Variants in PXDNL observed in about 807,000 individuals in gnomAD.
The protein encoded by PXDNL is probable oxidoreductase PXDNL.
A neutral mutation model predicts 150.8 loss-of-function variants in PXDNL; 145 were observed. The observed-to-expected ratio is 0.96, with a 90% CI of 0.84 to 1.10. The LOEUF is 1.10. Among genes scored for constraint, PXDNL ranks in the 50% least tolerant of loss-of-function variants. The pLI is 0.00. For missense variants in PXDNL, 2,087 were observed against 1,873.9 expected (o/e 1.11, Z -2.10); for synonymous variants, 757 against 725.7 (o/e 1.04, Z -0.69).
At chr8:51,436,346 T>G in intron 12 of PXDNL, 1 of 446,450 alleles carries the variant, frequency 2.2e-6, no homozygotes, top group Non-Finnish European at 4.6e-6. Context: ...CAGGGAAGTT[T>G]TGGAGGACCA....
intron 2 of PXDNL, among the ~76,000 whole-genome samples, chr8:51,609,750 T>C (rs1324296736): frequency 2.0e-5 from 3 of 152,238 alleles, no homozygotes; most frequent in Admixed American, 2.0e-4. Flanking sequence ...GAAATTATTC[T>C]GGAGGGCTGC....
intron 11 of PXDNL, among the ~76,000 whole-genome samples, chr8:51,448,285 G>A (rs1296674139): frequency 6.6e-6 from 1 of 152,132 alleles, no homozygotes; most frequent in Non-Finnish European, 1.5e-5. Flanking sequence ...CCAGGCCCAC[G>A]CCCCACCACC....
At chr8:51,617,991 T>C (rs1814164894) in intron 2 of PXDNL, among the ~76,000 whole-genome samples, 1 of 152,222 alleles carries the variant, frequency 6.6e-6, no homozygotes, top group Non-Finnish European at 1.5e-5. Flanking sequence ...TCCAAGTGGT[T>C]ATAAAATGCC....
At chr8:51,764,052 C>T (rs959169629) in intron 1 of PXDNL, among the ~76,000 whole-genome samples, 3 of 152,078 alleles carry the variant, frequency 2.0e-5, no homozygotes, top group African/African-American at 7.2e-5. Context: ...TAGTTTGTGC[C>T]TTTCTAGGAA....
In PXDNL at chr8:51,465,489, C is replaced by G. The variant is rs116397910; in HGVS notation, c.812+6698G>C. Among the ~76,000 whole-genome samples, 547 of 152,170 alleles carry G rather than the reference C, an allele frequency of 3.6e-3. 2 individuals are homozygous for G. Among genetic ancestry groups the G allele is most frequent in the African/African-American group, 0.013 (523 of 41,530 alleles). On this transcript the variant is annotated intron_variant, in intron 8 of 22. Coordinates refer to ENST00000356297, the MANE Select transcript of PXDNL (RefSeq NM_144651.5). ...AGCTGGAAGCATTCCCCTTGAGAAC[C>G]AAAACAAGACAAGAATGTCCACTTT...
chr8:51,644,572 G>A (rs1179893788), intron 2 of PXDNL, among the ~76,000 whole-genome samples: 2 of 150,664 alleles, frequency 1.3e-5, no homozygotes, highest in East Asian at 4.0e-4. Flanking sequence ...CCATTCTCCT[G>A]CCTCAGCCTC....
rs368336048 is a variant in PXDNL at position 51,409,067 on chromosome 8, G to C, written c.2557C>G (p.Arg853Gly). The change falls in exon 17 of 23, where the codon CGG becomes GGG. Residue 853 changes from arginine to glycine, a missense_variant. By Grantham distance (125) the Arg-to-Gly change is moderately radical. Coordinates refer to ENST00000356297, the MANE Select transcript of PXDNL (RefSeq NM_144651.5). Reference protein sequence around the residue: ...FPMNTRHADPRGTHAPCMLFA... With the variant: ...FPMNTRHADPGGTHAPCMLFA... The stretch of plus-strand genomic sequence containing the variant: ...AGCATGCAGGGCGCGTGGGTGCCCC[G>C]GGGGTCGGCGTGCCGGGTGTTCATG... 1 of 1,609,556 alleles carries C rather than the reference G, an allele frequency of 6.2e-7. No homozygotes were observed. The highest frequency in any genetic ancestry group is 1.7e-5 in the Admixed American group (1 of 59,952).
At chr8:51,336,627 A>G (rs1805837107) in intron 21 of PXDNL, among the ~76,000 whole-genome samples, 1 of 152,206 alleles carries the variant, frequency 6.6e-6, no homozygotes, top group Non-Finnish European at 1.5e-5. Flanking sequence ...TCTGCAGTTT[A>G]TCATTGCTAT....
intron 19 of PXDNL, among the ~76,000 whole-genome samples, chr8:51,356,497 T>TA (rs11412665): frequency 0.73 from 97,916 of 134,646 alleles, 34,224 homozygotes; most frequent in East Asian, 0.93. Flanking sequence ...AAAAAAAGAA[T>TA]AAAAAAAAAA....
intron 1 of PXDNL, among the ~76,000 whole-genome samples, chr8:51,784,512 TA>T (rs2037442964): frequency 6.6e-6 from 1 of 152,232 alleles, no homozygotes; most frequent in Non-Finnish European, 1.5e-5. Flanking sequence ...AGACAGTTCA[TA>T]AACATTAAAT....
intron 8 of PXDNL, among the ~76,000 whole-genome samples, chr8:51,465,854 T>A (rs1404676135): frequency 6.6e-6 from 1 of 152,016 alleles, no homozygotes; most frequent in Non-Finnish European, 1.5e-5. Flanking sequence ...AGTGAAATAT[T>A]GCTGCAAGGA....
At chr8:51,803,584 G>A (rs935982034) in intron 1 of PXDNL, among the ~76,000 whole-genome samples, 8 of 152,140 alleles carry the variant, frequency 5.3e-5, no homozygotes, top group African/African-American at 1.9e-4. Context: ...TTCGGTAGAT[G>A]TGTTCCTCTG....
chr8:51,665,629 C>A (rs187363967), intron 1 of PXDNL, among the ~76,000 whole-genome samples: 1 of 152,260 alleles, frequency 6.6e-6, no homozygotes, highest in African/African-American at 2.4e-5. Flanking sequence ...AATAATATTG[C>A]TAGTGAATGA....
intron 17 of PXDNL, among the ~76,000 whole-genome samples, chr8:51,378,555 C>T (rs1341683737): frequency 3.9e-5 from 6 of 152,228 alleles, no homozygotes; most frequent in East Asian, 1.9e-4. Context: ...CAGTGGCAAT[C>T]CTCTGGGGTA....
chr8:51,337,767 T>C (rs1805871688), intron 21 of PXDNL, among the ~76,000 whole-genome samples: 2 of 150,782 alleles, frequency 1.3e-5, no homozygotes, highest in South Asian at 4.2e-4. Flanking sequence ...GTCCCCCAGC[T>C]ACACGGGAGG....
At chr8:51,712,684 A>G (rs1027500969) in intron 1 of PXDNL, among the ~76,000 whole-genome samples, 4 of 152,178 alleles carry the variant, frequency 2.6e-5, no homozygotes, top group African/African-American at 4.8e-5. Context: ...ATAGTATAAG[A>G]AAAAAAGTCT....
At chr8:51,704,152 G>T (rs1816314764) in intron 1 of PXDNL, among the ~76,000 whole-genome samples, 1 of 151,980 alleles carries the variant, frequency 6.6e-6, no homozygotes, top group Non-Finnish European at 1.5e-5. Context: ...TCCCTTCCTG[G>T]ATTTTCTTTC....
rs1462171952 is a variant in PXDNL at position 51,656,306 on chromosome 8, T to TA, written c.165-1547dup. ...AAAATGAGCAAAATTTTATAGGAGC[T>TA]ATTATTTTCAATTAAAATTATTAAA... On this transcript the variant is annotated intron_variant, in intron 1 of 22. Transcript: ENST00000356297. 2.0e-3 allele frequency among the ~76,000 whole-genome samples: 310 copies of TA among 152,328 alleles called. 1 individual carries two copies. Among genetic ancestry groups the TA allele is most frequent in the African/African-American group, 7.0e-3 (291 of 41,578 alleles).
intron 14 of PXDNL, among the ~76,000 whole-genome samples, chr8:51,422,968 G>GA (rs995669279): frequency 1.6e-4 from 24 of 152,058 alleles, no homozygotes; most frequent in Non-Finnish European, 3.5e-4. Flanking sequence ...ATCAAAAAAA[G>GA]AAAAAATATA....
Sources: gnomAD v4.1 joint callset for allele counts (sites outside exome capture counted in the v4.1 genomes callset) on GRCh38, gnomAD v4.1.1 for gene constraint, MANE v1.5 for transcripts, NCBI Gene and HGNC (gene_info 2026-07-23, HGNC 2026-07-21) for gene names.